Variants in EXD3 observed in about 807,000 individuals in gnomAD.
EXD3 encodes the protein exonuclease 3'-5' domain containing 3.
In EXD3, 92 loss-of-function variants were observed where a neutral mutation model predicts 98.0. That is an observed-to-expected ratio of 0.94 (90% confidence interval 0.79 to 1.12). The LOEUF is 1.12. Among genes scored for constraint, EXD3 ranks in the 50% most tolerant of loss-of-function variants. EXD3 has a pLI of 0.00. For missense variants in EXD3, 1,222 were observed against 1,191.6 expected (o/e 1.03, Z -0.38); for synonymous variants, 569 against 526.0 (o/e 1.08, Z -1.12).
In EXD3 at chr9:137,324,124, C is replaced by T. The variant is rs1432009650; in HGVS notation, c.2018G>A (p.Arg673Lys). ...RAAEVARQEG[R>K]IILTSGQPFH... is the part of the protein sequence containing the mutation. ...TGGCTGCCCCGACGTCAGAATGATC[C>T]TCCCCTCCTGCCTGGCAACCTGTGT... The change falls in exon 18 of 22, where the codon AGG (arginine) becomes AAG (lysine). Residue 673 changes from arginine to lysine, a missense_variant. Coordinates refer to ENST00000340951, the MANE Select transcript of EXD3 (RefSeq NM_017820.5). This position sits in a 1 kb window ranked among gnomAD's most constrained non-coding sequence, Gnocchi z 4.1. 6.3e-7 allele frequency: 1 copy of T among 1,586,114 alleles called. No homozygotes were observed. Among genetic ancestry groups the T allele is most frequent in the Non-Finnish European group, 8.6e-7 (1 of 1,166,956 alleles).
intron 2 of EXD3, among the ~76,000 whole-genome samples, chr9:137,386,318 G>A (rs1315383817): frequency 6.6e-6 from 1 of 152,024 alleles, no homozygotes; most frequent in Non-Finnish European, 1.5e-5. Context: ...AATAAGCAGG[G>A]TGTCCTTATT....
intron 19 of EXD3, among the ~76,000 whole-genome samples, chr9:137,321,773 C>T (rs1359005209): frequency 6.6e-6 from 1 of 152,190 alleles, no homozygotes; most frequent in Non-Finnish European, 1.5e-5. Context: ...GCCCTAACTG[C>T]GGAACGTTCT....
chr9:137,422,330 C>T (rs1196210453), intron 1 of EXD3, among the ~76,000 whole-genome samples: 1 of 152,132 alleles, frequency 6.6e-6, no homozygotes, highest in Non-Finnish European at 1.5e-5. Context: ...CCCTTTTAAA[C>T]TGTGGGCCCA....
chr9:137,334,930 A>C (rs1180506988), intron 17 of EXD3, among the ~76,000 whole-genome samples: 1 of 151,906 alleles, frequency 6.6e-6, no homozygotes, highest in African/African-American at 2.4e-5. Flanking sequence ...ACAAAAAATG[A>C]GCCGGGCATG....
intron 19 of EXD3, among the ~76,000 whole-genome samples, chr9:137,318,432 C>T (rs1250385214): frequency 6.6e-6 from 1 of 152,140 alleles, no homozygotes; most frequent in Non-Finnish European, 1.5e-5. Flanking sequence ...GCCACTGTTT[C>T]AGGACGTGTC....
chr9:137,338,666 C>A (rs1330442850), intron 17 of EXD3, among the ~76,000 whole-genome samples: 1 of 150,056 alleles, frequency 6.7e-6, no homozygotes, highest in African/African-American at 2.5e-5. Context: ...GAGGGCAGAT[C>A]ACGAGGTCAG....
intron 7 of EXD3, among the ~76,000 whole-genome samples, chr9:137,362,580 C>T (rs947579232): frequency 1.3e-5 from 2 of 151,532 alleles, no homozygotes; most frequent in African/African-American, 2.4e-5. Context: ...ACTGTAGCCT[C>T]GACCTCTTGG....
chr9:137,383,171 G>A, intron 3 of EXD3, 142 bp downstream of exon 3: 1 of 667,764 alleles, frequency 1.5e-6, no homozygotes, highest in Non-Finnish European at 2.6e-6. Context: ...GGCGGTCTGG[G>A]GCAGCAGCTG....
At chr9:137,320,459 C>A (rs1257383328) in intron 19 of EXD3, among the ~76,000 whole-genome samples, 1 of 152,244 alleles carries the variant, frequency 6.6e-6, no homozygotes, top group African/African-American at 2.4e-5. Context: ...CCCTCCCAGG[C>A]CTGCTCTACC....
At chr9:137,337,932 C>G (rs557995727) in intron 17 of EXD3, among the ~76,000 whole-genome samples, 78 of 152,088 alleles carry the variant, frequency 5.1e-4, no homozygotes, top group African/African-American at 1.8e-3. Flanking sequence ...GGACTACAGG[C>G]GCCCACCACC....
rs563761495 is a variant in EXD3 at position 137,346,238 on chromosome 9, C to CAAAAA, written c.1998+1828_1998+1832dup. Among the ~76,000 whole-genome samples, 126 of 13,608 alleles carry CAAAAA rather than the reference C, an allele frequency of 9.3e-3. 14 individuals are homozygous for CAAAAA. The highest frequency in any genetic ancestry group is 0.021 in the African/African-American group (72 of 3,508). The allele number at this position is 13,608 out of a possible 152,430, so 8.9% of individuals were successfully genotyped here. On this transcript the variant is annotated intron_variant, in intron 17 of 21. Transcript: ENST00000340951. ...TGGGAGACAGAGCAAGACTCCGTCT[C>CAAAAA]AAAAAAAAAAAAAAAAAAAAAAAAA...
chr9:137,369,451 C>T (rs925237516), intron 5 of EXD3, among the ~76,000 whole-genome samples: 3 of 152,212 alleles, frequency 2.0e-5, no homozygotes, highest in African/African-American at 4.8e-5. Flanking sequence ...CTCCTCCTGC[C>T]GCATGTGGTT....
At chr9:137,322,602 C>T (rs1464425315) in intron 19 of EXD3, among the ~76,000 whole-genome samples, 1 of 91,656 alleles carries the variant, frequency 1.1e-5, no homozygotes, top group Admixed American at 1.1e-4. Flanking sequence ...GAGGGATGCT[C>T]TGCCGACACC....
chr9:137,351,090 T>C lies in EXD3; in HGVS notation c.1442A>G (p.His481Arg). The C allele has an allele frequency of 1.3e-6, 2 of 1,583,510 alleles. No homozygotes were observed. The highest frequency in any genetic ancestry group is 1.7e-6 in the Non-Finnish European group (2 of 1,165,832). ...GCCGCCCAGAATCTGCTTCTCCACATGGGCCAGGGCGGGGCAGGACGTGCC... is the reference window on the plus strand; with the variant it reads ...GCCGCCCAGAATCTGCTTCTCCACACGGGCCAGGGCGGGGCAGGACGTGCC... ...KLGTSCPALA[H>R]VEKQILGGMD... Residue 481 changes from histidine (H) to arginine (R), a missense_variant, in exon 14 of 22, where the codon CAT becomes CGT. Physicochemically the swap from His to Arg is conservative, Grantham distance 29 (BLOSUM62 0). Transcript: ENST00000340951.
At chr9:137,318,986 C>G (rs1337137547) in intron 19 of EXD3, among the ~76,000 whole-genome samples, 1 of 152,258 alleles carries the variant, frequency 6.6e-6, no homozygotes, top group Non-Finnish European at 1.5e-5. Context: ...CGGGCTTTCC[C>G]TCCGGGAACG....
chr9:137,355,435 T>C (rs117127663), intron 8 of EXD3, among the ~76,000 whole-genome samples: 7 of 4,518 alleles, frequency 1.5e-3, no homozygotes, highest in South Asian at 7.8e-3. Context: ...GGAAGGAGGA[T>C]GGAGGAAGGG....
intron 1 of EXD3, among the ~76,000 whole-genome samples, chr9:137,416,053 G>T (rs1295500245): frequency 6.6e-6 from 1 of 152,204 alleles, no homozygotes; most frequent in Admixed American, 6.5e-5. Flanking sequence ...AACCATGAAT[G>T]ATATTTTTGA....
At chr9:137,388,676 G>A (rs1245244924) in intron 2 of EXD3, among the ~76,000 whole-genome samples, 1 of 152,146 alleles carries the variant, frequency 6.6e-6, no homozygotes, top group Non-Finnish European at 1.5e-5. Context: ...CCTCCAGGCA[G>A]GAAGTCTGTG....
chr9:137,372,516 C>T (rs1388951684), intron 5 of EXD3, among the ~76,000 whole-genome samples: 1 of 152,274 alleles, frequency 6.6e-6, no homozygotes, highest in Non-Finnish European at 1.5e-5. Context: ...GGACAGCCTA[C>T]TGGCTGATTC....
Sources: gnomAD v4.1 joint callset for allele counts (sites outside exome capture counted in the v4.1 genomes callset) on GRCh38, gnomAD v4.1.1 for gene constraint, Gnocchi (gnomAD v3.1) non-coding constraint, MANE v1.5 for transcripts, NCBI Gene and HGNC (gene_info 2026-07-23, HGNC 2026-07-21) for gene names.